The following ABCC2 variants were observed in gnomAD, a reference collection of about 807,000 sequenced individuals.
The protein encoded by ABCC2 is ATP binding cassette subfamily C member 2, also known as ATP-binding cassette sub-family C member 2.
ABCC2 carries 157 observed loss-of-function variants against 173.4 expected under a neutral mutation model. The ratio of observed to expected loss-of-function variants is 0.91; its 90% CI spans 0.80 to 1.03. The LOEUF is 1.03. ABCC2 is among the 50% of genes least tolerant of loss of function. The pLI is 0.00. For missense variants in ABCC2, 1,822 were observed against 1,852.3 expected (o/e 0.98, Z 0.30); for synonymous variants, 657 against 693.5 (o/e 0.95, Z 0.83).
chr10:99,792,683 A>G (rs1285012103), intron 3 of ABCC2, among the ~76,000 whole-genome samples: 1 of 152,222 alleles, frequency 6.6e-6, no homozygotes, highest in Non-Finnish European at 1.5e-5. Flanking sequence ...TTAAATCTGT[A>G]AATATTGTTT....
intron 2 of ABCC2, among the ~76,000 whole-genome samples, chr10:99,787,469 A>C (rs2037736158): frequency 6.6e-6 from 1 of 151,528 alleles, no homozygotes. Context: ...GGGGGGACGG[A>C]GTCTCGTTCT....
intron 31 of ABCC2, among the ~76,000 whole-genome samples, chr10:99,851,278 T>C (rs2039085005): frequency 6.6e-6 from 1 of 152,246 alleles, no homozygotes; most frequent in Admixed American, 6.5e-5. Context: ...TAAAAACTCA[T>C]GTAAATGGAC....
chr10:99,838,108 C>A, intron 25 of ABCC2, among the ~76,000 whole-genome samples: 1 of 84,746 alleles, frequency 1.2e-5, no homozygotes, highest in African/African-American at 4.5e-5. Context: ...GGGGGCTGAC[C>A]CCCCCCACCT....
At chr10:99,794,551 A>C in intron 6 of ABCC2, 83 bp downstream of exon 6, 1 of 1,274,154 alleles carries the variant, frequency 7.8e-7, no homozygotes. Flanking sequence ...TTATTTTATT[A>C]TTTTTTTTTT....
chr10:99,793,495 C>T (rs2037841906), intron 3 of ABCC2, 56 bp from the exon 4 acceptor site: 1 of 1,610,826 alleles, frequency 6.2e-7, no homozygotes, highest in Admixed American at 1.7e-5. Context: ...TCCTTCTCCC[C>T]TCAGTCCTCG....
At position 99,847,017 on chromosome 10, in the gene ABCC2, C is replaced by T. The variant is rs368800587; in HGVS notation, c.4203C>T (p.Tyr1401=). 27 of 1,614,104 alleles carry T rather than the reference C, an allele frequency of 1.7e-5. No homozygotes were observed. Among genetic ancestry groups the T allele is most frequent in the Middle Eastern group, 3.3e-4 (2 of 6,084 alleles). Residue 1401 remains tyrosine, a synonymous_variant, in exon 30 of 32, where the codon TAC becomes TAT. Transcript: ENST00000647814. ...LRMNLDPFNN[Y]SDEEIWKALE... ...TGAATCTCGACCCTTTCAACAACTA[C>T]TCAGATGAGGAGATTTGGAAGGCCT... is the stretch of plus-strand genomic sequence containing the variant.
intron 13 of ABCC2, among the ~76,000 whole-genome samples, chr10:99,808,805 G>A (rs1159691252): frequency 6.6e-6 from 1 of 152,162 alleles, no homozygotes; most frequent in East Asian, 1.9e-4. Context: ...CGGACAGGCA[G>A]CAGACTGATG....
intron 3 of ABCC2, among the ~76,000 whole-genome samples, chr10:99,793,177 C>G (rs2037837727): frequency 6.6e-6 from 1 of 152,192 alleles, no homozygotes; most frequent in Admixed American, 6.5e-5. Flanking sequence ...GCTACAGACA[C>G]CTTGCACCTA....
At chr10:99,829,854 G>A (rs2038708941) in intron 19 of ABCC2, among the ~76,000 whole-genome samples, 1 of 152,132 alleles carries the variant, frequency 6.6e-6, no homozygotes, top group Non-Finnish European at 1.5e-5. Context: ...TCAAACTCCT[G>A]GGCTGAAGTG....
chr10:99,793,516 G>A, intron 3 of ABCC2, 35 bp from the exon 4 acceptor site: 1 of 1,613,708 alleles, frequency 6.2e-7, no homozygotes, highest in Non-Finnish European at 8.5e-7. Context: ...GTTAGTGGCA[G>A]TATTCTTCAG....
In ABCC2 at chr10:99,782,873, T is replaced by C. The variant is rs1420969492; in HGVS notation, c.29T>C (p.Phe10Ser). ...CTGGAGAAGTTCTGCAACTCTACTT[T>C]TTGGGTGAGAAATTACATTTATCTT... is the stretch of plus-strand genomic sequence containing the variant. Reference protein sequence around the residue: MLEKFCNSTFWNSSFLDSPE... With the variant: MLEKFCNSTSWNSSFLDSPE... Residue 10 changes from phenylalanine (F) to serine (S), a missense_variant, in exon 1 of 32, where the codon TTT (phenylalanine) becomes TCT (serine). Coordinates refer to ENST00000647814, the MANE Select transcript of ABCC2 (RefSeq NM_000392.5). 6.2e-7 allele frequency: 1 copy of C among 1,614,070 alleles called. No homozygotes were observed. The highest frequency in any genetic ancestry group is 2.2e-5 in the East Asian group (1 of 44,868).
chr10:99,818,030 C>T (rs775375019), intron 17 of ABCC2, among the ~76,000 whole-genome samples: 4 of 152,152 alleles, frequency 2.6e-5, no homozygotes, highest in Admixed American at 6.5e-5. Context: ...TCAAGACCAG[C>T]TGACCAACAA....
intron 19 of ABCC2, among the ~76,000 whole-genome samples, chr10:99,825,748 T>C (rs995359519): frequency 6.6e-5 from 10 of 152,228 alleles, no homozygotes; most frequent in Admixed American, 1.3e-4. Flanking sequence ...GTGGGCCATA[T>C]ACCTCTGTGG....
Position 99,830,386 on chromosome 10 carries a change from C to T in ABCC2, c.2700C>T (p.Ser900=), listed in dbSNP as rs1184984382. The T allele has an allele frequency of 3.1e-6, 5 of 1,614,206 alleles. No individual in the cohort carries two copies. In the Admixed American group the frequency reaches 8.3e-5, roughly 27 times the overall value. Residue 900 remains serine, a synonymous_variant, in exon 20 of 32, where the codon TCC becomes TCT. Coordinates refer to ENST00000647814, the MANE Select transcript of ABCC2 (RefSeq NM_000392.5). ...AAGAGATCCCCGAAGATGCAGCCTC[C>T]ATAACCATGAGAAGAGAGAACAGCT... The part of the protein sequence containing the change: ...SVEEIPEDAA[S]ITMRRENSFR...
chr10:99,850,740 C>T lies in ABCC2; in HGVS notation c.4452C>T (p.Ala1484=), dbSNP rs1222830211. The T allele has an allele frequency of 6.2e-7, 1 of 1,614,188 alleles. No individual in the cohort carries two copies. Residue 1484 remains alanine, a synonymous_variant, in exon 31 of 32, where the codon GCC becomes GCT. Transcript: ENST00000647814. Reference sequence around the variant, plus strand: ...AGACGACCATCCAAAACGAGTTCGCCCACTGCACAGTGATCACCATCGCCC... The same window carrying T: ...AGACGACCATCCAAAACGAGTTCGCTCACTGCACAGTGATCACCATCGCCC... ...LIQTTIQNEF[A]HCTVITIAHR... is the part of the protein sequence containing the mutation.
rs1300457465 is a variant in ABCC2, at chr10:99,805,942, A to C, written c.1530+495A>C. Among the ~76,000 whole-genome samples, 12 of 152,280 alleles carry C rather than the reference A, an allele frequency of 7.9e-5. No individual in the cohort carries two copies. The East Asian group carries it at 2.1e-3, about 27-fold the overall frequency. On this transcript the variant is annotated intron_variant, in intron 11 of 31. Coordinates refer to ENST00000647814, the MANE Select transcript of ABCC2 (RefSeq NM_000392.5). ...AAAATTAACATTCTTTGATACCATC[A>C]AAGTTCTCCAGTTGCCTCATATGTG...
In ABCC2 at chr10:99,850,645, C is replaced by T. The variant is rs769022665; in HGVS notation, c.4357C>T (p.Arg1453Trp). 37 of 1,614,188 alleles carry T rather than the reference C, an allele frequency of 2.3e-5. 1 individual carries two copies. Among genetic ancestry groups the T allele is most frequent in the Admixed American group, 1.2e-4 (7 of 60,032 alleles). ...QLLCLGRALL[R>W]KSKILVLDEA... ...GCTGTGCCTGGGCAGGGCTCTGCTT[C>T]GGAAATCCAAGATCCTGGTCCTGGA... Residue 1453 changes from arginine to tryptophan, a missense_variant, in exon 31 of 32, where the codon CGG becomes TGG. By Grantham distance (101) the Arg-to-Trp change is moderately radical. Transcript: ENST00000647814.
chr10:99,800,433 G>GA lies in ABCC2; in HGVS notation c.1080dup (p.Tyr361IlefsTer42). The GA allele has an allele frequency of 6.2e-7, 1 of 1,614,164 alleles. No homozygotes were observed. The highest frequency in any genetic ancestry group is 8.5e-7 in the Non-Finnish European group (1 of 1,180,026). On this transcript the variant is annotated frameshift_variant, in exon 9 of 32. Coordinates refer to ENST00000647814, the MANE Select transcript of ABCC2 (RefSeq NM_000392.5). LOFTEE classifies it high-confidence loss of function. The stretch of plus-strand genomic sequence containing the variant: ...GACCGTGACACATATTTGTGGATTG[G>GA]ATATCTCTGTGCAATCCTCTTATTC...
At chr10:99,836,752 G>T (rs1373075864) in intron 25 of ABCC2, among the ~76,000 whole-genome samples, 1 of 152,196 alleles carries the variant, frequency 6.6e-6, no homozygotes, top group South Asian at 2.1e-4. Flanking sequence ...GTTGGAGAGA[G>T]GAGAGTTGGG....
Sources: gnomAD v4.1 joint callset for allele counts (sites outside exome capture counted in the v4.1 genomes callset) on GRCh38, gnomAD v4.1.1 for gene constraint, MANE v1.5 for transcripts, NCBI Gene and HGNC (gene_info 2026-07-23, HGNC 2026-07-21) for gene names.